CSNK2A1: variants seen among roughly 807,000 people sequenced by gnomAD.
CSNK2A1 encodes casein kinase 2 alpha 1.
Under a neutral mutation model 62.9 loss-of-function variants are expected in CSNK2A1, and 10 were observed. That is an observed-to-expected ratio of 0.16 (90% CI 0.10 to 0.27). CSNK2A1 has a LOEUF of 0.27. Ranked by LOEUF, CSNK2A1 falls within the 10% of genes least tolerant of loss-of-function variation. The probability of loss-of-function intolerance (pLI) is 1.00; values close to 1 mark genes in which losing one functional copy is unlikely to be tolerated. For synonymous variants in CSNK2A1, 124 were observed against 167.8 expected, an observed-to-expected ratio of 0.74 and a Z score of 2.02; for missense variants, 160 against 492.0, an observed-to-expected ratio of 0.33 and a Z score of 6.38.
intron 2 of CSNK2A1, 130 bp downstream of exon 2, chr20:527,803 T>G (rs747951514): frequency 6.6e-6 from 1 of 152,228 alleles, no homozygotes; most frequent in African/African-American, 2.4e-5. Context: ...CCTCCCAAAG[T>G]GCTAGGGTTA....
At chr20:519,096 C>T (rs374054817) in intron 2 of CSNK2A1, among the ~76,000 whole-genome samples, 11 of 151,952 alleles carry the variant, frequency 7.2e-5, no homozygotes, top group South Asian at 4.2e-4. Context: ...CCACCATGCC[C>T]GGCTAATTTT....
intron 2 of CSNK2A1, among the ~76,000 whole-genome samples, chr20:515,992 T>C (rs538658198): frequency 6.6e-6 from 1 of 152,312 alleles, no homozygotes; most frequent in African/African-American, 2.4e-5. Context: ...GATTTGTCTT[T>C]TTCCCCTCGA....
chr20:527,626 C>T (rs2019124898), intron 2 of CSNK2A1, among the ~76,000 whole-genome samples: 1 of 152,194 alleles, frequency 6.6e-6, no homozygotes, highest in African/African-American at 2.4e-5. Flanking sequence ...CATATACTCT[C>T]TGACATTGTC....
Position 505,587 on chromosome 20 carries a change from C to G in CSNK2A1, c.102-358G>C, listed in dbSNP as rs189616188. Among the ~76,000 whole-genome samples the G allele has an allele frequency of 6.3e-3, 949 of 151,742 alleles. 3 individuals carry two copies. The highest frequency in any genetic ancestry group is 8.9e-3 in the Non-Finnish European group (603 of 67,928). ...CCGTGTTAACCAGGATGGTCTCGAT[C>G]TCCTGACCTCGTGATTCGTCCGCCT... On this transcript the variant is annotated intron_variant, in intron 3 of 13. Coordinates refer to ENST00000217244, the MANE Select transcript of CSNK2A1 (RefSeq NM_177559.3).
chr20:517,435 T>G (rs2018849961), intron 2 of CSNK2A1, among the ~76,000 whole-genome samples: 1 of 152,222 alleles, frequency 6.6e-6, no homozygotes, highest in Non-Finnish European at 1.5e-5. Flanking sequence ...GGAGAAAGTA[T>G]CTCTGCCCTC....
rs959365607 is a variant in CSNK2A1, at chr20:476,425, A to C, written c.*7536T>G. On this transcript the variant is annotated 3_prime_UTR_variant, in exon 14 of 14. Transcript: ENST00000217244. ...AGGCACACGTCACCAAGCCCAGCTAATTTTTGTATTTTTTAGTAGAAACAG... is the reference window on the plus strand; with the variant it reads ...AGGCACACGTCACCAAGCCCAGCTACTTTTTGTATTTTTTAGTAGAAACAG... The C allele has an allele frequency of 1.3e-5, 2 of 151,850 alleles. No individual in the cohort carries two copies. The highest frequency in any genetic ancestry group is 4.8e-5 in the African/African-American group (2 of 41,286). The allele number at this position is 151,850 out of a possible 1,614,324, so 9.4% of individuals were successfully genotyped here.
chr20:524,421 CA>C (rs71191944), intron 2 of CSNK2A1, among the ~76,000 whole-genome samples: 4,657 of 74,762 alleles, frequency 0.062, 195 homozygotes, highest in African/African-American at 0.17. Context: ...GGCTCCTTCT[CA>C]AAAAAAAAAA....
chr20:523,827 C>T (rs1243926129), intron 2 of CSNK2A1, among the ~76,000 whole-genome samples: 2 of 142,610 alleles, frequency 1.4e-5, no homozygotes, highest in Non-Finnish European at 3.0e-5. Flanking sequence ...CCAATGCACT[C>T]CAGCCTGGGC....
chr20:473,478 A>C lies in CSNK2A1; in HGVS notation c.*10483T>G, dbSNP rs1257686733. On this transcript the variant is annotated 3_prime_UTR_variant, in exon 14 of 14. Transcript: ENST00000217244. Reference sequence around the variant, plus strand: ...ATTCCCCCAGATGCAAGGGAGCTTCATCCAAGGGGGTGACAGGATTTGGTG... The same window carrying C: ...ATTCCCCCAGATGCAAGGGAGCTTCCTCCAAGGGGGTGACAGGATTTGGTG... 1 of 152,290 alleles carries C rather than the reference A, an allele frequency of 6.6e-6. No homozygotes were observed. The highest frequency in any genetic ancestry group is 1.5e-5 in the Non-Finnish European group (1 of 68,164). 9.4% of individuals were successfully genotyped at this position (152,290 alleles called of 1,614,324 possible). A position where few individuals can be genotyped will look rare whatever the true frequency, so the allele number is the denominator to read the frequency against.
intron 1 of CSNK2A1, among the ~76,000 whole-genome samples, chr20:540,604 C>T (rs1049495428): frequency 3.9e-5 from 6 of 152,050 alleles, no homozygotes; most frequent in East Asian, 1.9e-4. Context: ...GTGCCATTAC[C>T]GCTCACTGCA....
In CSNK2A1 at chr20:532,904, C is replaced by G. The variant is rs1427664424; in HGVS notation, c.-226-4855G>C. Among the ~76,000 whole-genome samples, 4 of 152,252 alleles carry G rather than the reference C, an allele frequency of 2.6e-5. No homozygotes were observed. In the East Asian group the frequency reaches 7.7e-4, roughly 29 times the overall value. ...ACAAAGACAAAACAAGCCTCCTTACCCTAGCTCAGAAGGATAAGCCAAAAG... is the reference window on the plus strand; with the variant it reads ...ACAAAGACAAAACAAGCCTCCTTACGCTAGCTCAGAAGGATAAGCCAAAAG... On this transcript the variant is annotated intron_variant, in intron 1 of 13. Transcript: ENST00000217244.
rs1174103619 is a variant in CSNK2A1, at chr20:495,985, G to C, written c.427-183C>G. 20 of 548,562 alleles carry C rather than the reference G, an allele frequency of 3.6e-5. No individual in the cohort carries two copies. The East Asian group carries it at 6.0e-4, about 17-fold the overall frequency. The allele number at this position is 548,562 out of a possible 1,614,324, so 34.0% of individuals were successfully genotyped here. On this transcript the variant is annotated intron_variant, in intron 7 of 13. Transcript: ENST00000217244. ...ATGATCTCACAGTCAAGCAAACTCA[G>C]CTCTCTGAGCTTAGAGATCTTTTTC...
chr20:486,273 C>T (rs1236537599), intron 13 of CSNK2A1, 103 bp downstream of exon 13: 2 of 1,346,224 alleles, frequency 1.5e-6, no homozygotes, highest in East Asian at 2.5e-5. Flanking sequence ...GTCACAAGGC[C>T]ACCAGTACGG....
rs778596215 is a variant in CSNK2A1 at position 499,309 on chromosome 20, G to C, written c.316-4C>G. ...AAACCAAGGCGGGGGTTCGTGACTA[G>C]GGGAAAAGAACAAAAACAAAAACAC... is the stretch of plus-strand genomic sequence containing the variant. On this transcript the variant is annotated splice_region_variant and splice_polypyrimidine_tract_variant and intron_variant, in intron 5 of 13. Transcript: ENST00000217244. This position sits in a 1 kb window ranked among gnomAD's most constrained non-coding sequence, Gnocchi z 4.2. The C allele has an allele frequency of 6.2e-7, 1 of 1,609,530 alleles. No homozygotes were observed. The highest frequency in any genetic ancestry group is 8.5e-7 in the Non-Finnish European group (1 of 1,177,964).
Position 477,328 on chromosome 20 carries a change from A to T in CSNK2A1, c.*6633T>A, listed in dbSNP as rs1464719749. On this transcript the variant is annotated 3_prime_UTR_variant, in exon 14 of 14. Coordinates refer to ENST00000217244, the MANE Select transcript of CSNK2A1 (RefSeq NM_177559.3). ...ATTCTCGTCCTTTGGCCTCCCCAGT[A>T]GCTAGGACACAGGCGCACACCACCA... The T allele has an allele frequency of 2.0e-5, 3 of 152,246 alleles. No homozygotes were observed. The highest frequency in any genetic ancestry group is 4.4e-5 in the Non-Finnish European group (3 of 68,106). 9.4% of individuals were successfully genotyped at this position (152,246 alleles called of 1,614,324 possible). A position where few individuals can be genotyped will look rare whatever the true frequency, so the allele number is the denominator to read the frequency against.
rs183454042 is a variant in CSNK2A1, at chr20:480,837, T to C, written c.*3124A>G. 7 of 152,300 alleles carry C rather than the reference T, an allele frequency of 4.6e-5. No homozygotes were observed. Among genetic ancestry groups the C allele is most frequent in the Admixed American group, 1.3e-4 (2 of 15,290 alleles). The allele number at this position is 152,300 out of a possible 1,614,324, so 9.4% of individuals were successfully genotyped here. ...TCAAAAGGTGAAGCAAAGATGAAAG[T>C]TAAAAACTAAGAAGAAATTAAAATT... is the stretch of plus-strand genomic sequence containing the variant. On this transcript the variant is annotated 3_prime_UTR_variant, in exon 14 of 14. Transcript: ENST00000217244.
chr20:537,351 G>C (rs2019355598), intron 1 of CSNK2A1, among the ~76,000 whole-genome samples: 1 of 152,160 alleles, frequency 6.6e-6, no homozygotes, highest in Non-Finnish European at 1.5e-5. Context: ...AGCAACTGTT[G>C]CTACGTAGGG....
At position 475,829 on chromosome 20, in the gene CSNK2A1, A is replaced by G. The variant is rs157807; in HGVS notation, c.*8132T>C. On this transcript the variant is annotated 3_prime_UTR_variant, in exon 14 of 14. Coordinates refer to ENST00000217244, the MANE Select transcript of CSNK2A1 (RefSeq NM_177559.3). ...TGATTCATGAGAAGAGCACGCCCTG[A>G]GTAGCTGCTGCAACTTCTGCCACAT... The G allele has an allele frequency of 0.47, 71,711 of 152,026 alleles. 18,633 individuals carry two copies. The highest frequency in any genetic ancestry group is 0.7 in the East Asian group (3,620 of 5,164). 9.4% of individuals were successfully genotyped at this position (152,026 alleles called of 1,614,324 possible). A position where few individuals can be genotyped will look rare whatever the true frequency, so the allele number is the denominator to read the frequency against.
intron 8 of CSNK2A1, among the ~76,000 whole-genome samples, chr20:493,313 CTT>C (rs1472138924): frequency 1.4e-4 from 21 of 152,186 alleles, no homozygotes; most frequent in African/African-American, 4.3e-4. Context: ...ACCACCACCT[CTT>C]GTTTGATATA....
Sources: gnomAD v4.1 joint callset for allele counts (sites outside exome capture counted in the v4.1 genomes callset) on GRCh38, gnomAD v4.1.1 for gene constraint, Gnocchi (gnomAD v3.1) non-coding constraint, MANE v1.5 for transcripts, NCBI Gene and HGNC (gene_info 2026-07-23, HGNC 2026-07-21) for gene names.